The following KCNJ16 variants were observed in gnomAD, a reference collection of about 807,000 sequenced individuals.
KCNJ16 encodes the protein potassium inwardly rectifying channel subfamily J member 16, also known as inward rectifier potassium channel 16.
In KCNJ16, 15 loss-of-function variants were observed where a neutral mutation model predicts 18.5. The observed-to-expected ratio is 0.81, with a 90% confidence interval of 0.54 to 1.25. The LOEUF is 1.25. Among genes scored for constraint, KCNJ16 ranks in the 50% most tolerant of loss-of-function variants. KCNJ16 has a pLI of 0.00. For synonymous variants in KCNJ16, 174 were observed against 186.5 expected, an observed-to-expected ratio of 0.93 and a Z score of 0.55; for missense variants, 523 against 525.7, an observed-to-expected ratio of 0.99 and a Z score of 0.05.
chr17:70,090,157 T>G (rs2143687060), intron 1 of KCNJ16, among the ~76,000 whole-genome samples: 1 of 152,354 alleles, frequency 6.6e-6, no homozygotes, highest in South Asian at 2.1e-4. Context: ...CTGTTTCTGC[T>G]TCTGTCCAAA....
At chr17:70,103,203 T>C (rs1034642753) in intron 2 of KCNJ16, among the ~76,000 whole-genome samples, 9 of 144,870 alleles carry the variant, frequency 6.2e-5, no homozygotes, top group Non-Finnish European at 1.1e-4. Context: ...TATGTGTATA[T>C]ATATTTTTGT....
At chr17:70,112,032 T>C (rs1270410781) in intron 2 of KCNJ16, among the ~76,000 whole-genome samples, 1 of 152,194 alleles carries the variant, frequency 6.6e-6, no homozygotes, top group Non-Finnish European at 1.5e-5. Flanking sequence ...GAGAAGAATA[T>C]ACATCAGAGT....
intron 1 of KCNJ16, among the ~76,000 whole-genome samples, chr17:70,083,408 G>T (rs1164047756): frequency 6.6e-6 from 1 of 151,476 alleles, no homozygotes; most frequent in Non-Finnish European, 1.5e-5. Context: ...GTCAAGTGCT[G>T]CACAATGACA....
intron 1 of KCNJ16, among the ~76,000 whole-genome samples, chr17:70,080,307 C>T (rs962435075): frequency 6.6e-6 from 1 of 152,078 alleles, no homozygotes; most frequent in Non-Finnish European, 1.5e-5. Context: ...CATCGTATAC[C>T]TTTTAGAAGT....
chr17:70,080,473 C>T (rs762577540), intron 1 of KCNJ16, among the ~76,000 whole-genome samples: 19 of 151,810 alleles, frequency 1.3e-4, no homozygotes, highest in East Asian at 7.7e-4. Context: ...ATCATAAGAC[C>T]GTGGAATATT....
At chr17:70,105,544 G>A (rs1021296568) in intron 2 of KCNJ16, among the ~76,000 whole-genome samples, 1 of 152,118 alleles carries the variant, frequency 6.6e-6, no homozygotes, top group African/African-American at 2.4e-5. Flanking sequence ...AATAAAATAC[G>A]TTGACATCAA....
rs770789017 is a variant in KCNJ16 at position 70,132,163 on chromosome 17, A to G, written c.76A>G (p.Ile26Val). ...CCCAGGCTACCCGCCAGAGCACATT[A>G]TAGCTGAGAAGAGAAGAGCAAGAAG... is the stretch of plus-strand genomic sequence containing the variant. ...KYPGYPPEHI[I>V]AEKRRARRRL... The change falls in exon 4 of 4, where the codon ATA (isoleucine) becomes GTA (valine). Residue 26 changes from isoleucine to valine, a missense_variant. Physicochemically the swap from Ile to Val is conservative, Grantham distance 29. Transcript: ENST00000392671. 7 of 1,614,108 alleles carry G rather than the reference A, an allele frequency of 4.3e-6. No individual in the cohort carries two copies. In the South Asian group the frequency reaches 6.6e-5, roughly 15 times the overall value.
chr17:70,120,383 C>T (rs374263836), intron 2 of KCNJ16, among the ~76,000 whole-genome samples: 100 of 152,316 alleles, frequency 6.6e-4, no homozygotes, highest in African/African-American at 2.3e-3. Context: ...CGCATTTTCA[C>T]GTGTCTTTGT....
At chr17:70,120,164 T>C (rs539144332) in intron 2 of KCNJ16, among the ~76,000 whole-genome samples, 326 of 152,336 alleles carry the variant, frequency 2.1e-3, no homozygotes, top group African/African-American at 7.6e-3. Flanking sequence ...AGTTCATGCA[T>C]GAGTCACCTT....
At chr17:70,088,458 T>C (rs1339302250) in intron 1 of KCNJ16, among the ~76,000 whole-genome samples, 2 of 152,192 alleles carry the variant, frequency 1.3e-5, no homozygotes, top group African/African-American at 4.8e-5. Flanking sequence ...TAACAGGCCA[T>C]GGACTGGTCC....
chr17:70,110,153 A>G (rs1299759194), intron 2 of KCNJ16, among the ~76,000 whole-genome samples: 1 of 152,076 alleles, frequency 6.6e-6, no homozygotes, highest in Admixed American at 6.6e-5. Flanking sequence ...CAGACTCTCC[A>G]TCGTCACCTG....
chr17:70,083,612 G>A (rs535582619), intron 1 of KCNJ16, among the ~76,000 whole-genome samples: 2 of 152,190 alleles, frequency 1.3e-5, no homozygotes, highest in South Asian at 4.2e-4. Context: ...TACAGCCTAG[G>A]TGTGTAGTAG....
At chr17:70,104,451 T>A (rs2143893890) in intron 2 of KCNJ16, among the ~76,000 whole-genome samples, 1 of 152,282 alleles carries the variant, frequency 6.6e-6, no homozygotes, top group East Asian at 1.9e-4. Context: ...AATGAAATGA[T>A]GTTGGGCAAG....
chr17:70,076,941 T>A (rs1207128448), intron 1 of KCNJ16, among the ~76,000 whole-genome samples: 1 of 152,242 alleles, frequency 6.6e-6, no homozygotes, highest in Admixed American at 6.5e-5. Flanking sequence ...GGGAGCCATC[T>A]TCAAAGCTAC....
intron 2 of KCNJ16, among the ~76,000 whole-genome samples, chr17:70,123,481 A>G (rs1028356498): frequency 6.6e-6 from 1 of 152,288 alleles, no homozygotes; most frequent in Non-Finnish European, 1.5e-5. Context: ...CCCAGACTAG[A>G]TAAGGCCCTG....
At chr17:70,096,967 A>G (rs771257878) in intron 1 of KCNJ16, 16 of 398,178 alleles carry the variant, frequency 4.0e-5, no homozygotes, top group Non-Finnish European at 6.6e-5. Flanking sequence ...ATGTCCTAAC[A>G]TATTAAATTT....
chr17:70,124,374 T>C lies in KCNJ16; in HGVS notation c.-190-6505T>C, dbSNP rs192547583. 5.3e-5 allele frequency among the ~76,000 whole-genome samples: 8 copies of C among 152,308 alleles called. No individual in the cohort carries two copies. In the South Asian group the frequency reaches 8.3e-4, roughly 16 times the overall value. The stretch of plus-strand genomic sequence containing the variant: ...TCCAATGTAAACTGCAATTCTGTTT[T>C]CCGGTGCCTAAAAGTGGATGGGTCT... On this transcript the variant is annotated intron_variant, in intron 2 of 3. Coordinates refer to ENST00000392671, the MANE Select transcript of KCNJ16 (RefSeq NM_170741.4).
At position 70,102,215 on chromosome 17, in the gene KCNJ16, CTTTTTTTTTTTTTT is replaced by C. The variant is rs10600577; in HGVS notation, c.-191+1466_-191+1479del. The C allele has an allele frequency of 4.4e-4, 21 of 48,152 alleles. No homozygotes were observed. The South Asian group carries it at 0.026, about 60-fold the overall frequency. 3.0% of individuals were successfully genotyped at this position (48,152 alleles called of 1,614,324 possible). A position where few individuals can be genotyped will look rare whatever the true frequency, so the allele number is the denominator to read the frequency against. On this transcript the variant is annotated intron_variant, in intron 2 of 3. Transcript: ENST00000392671. ...TCTTTCTTCTTGTTCACCAAAAGTACTTTTTTTTTTTTTTTTTTTTTTTTTTTTTTGAGATGGAG... is the reference window on the plus strand; with the variant it reads ...TCTTTCTTCTTGTTCACCAAAAGTACTTTTTTTTTTTTTTTTGAGATGGAG...
intron 2 of KCNJ16, among the ~76,000 whole-genome samples, chr17:70,108,954 T>C (rs911912227): frequency 6.6e-5 from 10 of 152,038 alleles, no homozygotes; most frequent in African/African-American, 2.4e-4. Context: ...CTCTGGGCCG[T>C]GGGATGGGTC....
Sources: allele counts gnomAD v4.1 joint callset (sites outside exome capture counted in the v4.1 genomes callset), GRCh38; gene constraint gnomAD v4.1.1; transcripts MANE v1.5; gene names NCBI Gene and HGNC (gene_info 2026-07-23, HGNC 2026-07-21).